Variants in DRC7 observed in about 807,000 individuals in gnomAD.
The protein encoded by DRC7 is dynein regulatory complex subunit 7, also known as coiled-coil domain containing 135.
A neutral mutation model predicts 104.4 loss-of-function variants in DRC7; 80 were observed. That is an observed-to-expected ratio of 0.77 (90% CI 0.64 to 0.92). The LOEUF (loss-of-function observed/expected upper bound fraction) is 0.92, where lower values mean the gene tolerates loss of function less well. DRC7 is among the 40% of genes least tolerant of loss of function. The pLI is 0.00. For synonymous variants in DRC7, 405 were observed against 447.3 expected, an observed-to-expected ratio of 0.91 and a Z score of 1.19; for missense variants, 1,034 against 1,141.1, an observed-to-expected ratio of 0.91 and a Z score of 1.35.
At chr16:57,722,643 T>C in intron 10 of DRC7, 70 bp from the exon 11 acceptor site, 1 of 1,594,274 alleles carries the variant, frequency 6.3e-7, no homozygotes, top group Non-Finnish European at 8.6e-7. Flanking sequence ...GATGGATGAA[T>C]GGCTGGGCGG....
At chr16:57,718,281 C>G in intron 8 of DRC7, 66 bp from the exon 9 acceptor site, 1 of 1,577,102 alleles carries the variant, frequency 6.3e-7, no homozygotes, top group East Asian at 2.3e-5. Flanking sequence ...TCCCAACTCC[C>G]CATGGATCAG....
At chr16:57,715,689 G>A (rs1466987232) in intron 8 of DRC7, among the ~76,000 whole-genome samples, 1 of 152,194 alleles carries the variant, frequency 6.6e-6, no homozygotes, top group Admixed American at 6.5e-5. Context: ...CAAGTAAAGT[G>A]AGATCATTTC....
rs755500071 is a variant in DRC7 at position 57,700,186 on chromosome 16, C to T, written c.420C>T (p.Tyr140=). The part of the protein sequence containing the change: ...STTLRPTLMP[Y]PELYNWDSCA... ...CCCTCCGGCCCACACTGATGCCCTA[C>T]CCCGAGCTCTACAACTGGGACAGCT... Residue 140 remains tyrosine (Y), a synonymous_variant, in exon 5 of 19, where the codon TAC becomes TAT. Coordinates refer to ENST00000360716, the MANE Select transcript of DRC7 (RefSeq NM_001289162.2). The T allele has an allele frequency of 1.9e-6, 3 of 1,614,102 alleles. No individual in the cohort carries two copies. Among genetic ancestry groups the T allele is most frequent in the Admixed American group, 1.7e-5 (1 of 60,022 alleles).
chr16:57,704,543 G>A (rs2048692266), intron 6 of DRC7, among the ~76,000 whole-genome samples: 1 of 152,180 alleles, frequency 6.6e-6, no homozygotes, highest in Non-Finnish European at 1.5e-5. Flanking sequence ...AGGATGGGTG[G>A]TGAGGATTGA....
In DRC7 at chr16:57,707,697, C is replaced by T. The variant is rs1323021496; in HGVS notation, c.1077+19C>T. On this transcript the variant is annotated intron_variant, in intron 8 of 18. Coordinates refer to ENST00000360716, the MANE Select transcript of DRC7 (RefSeq NM_001289162.2). ...CTGCAAGGTGCCTAGGGAGGGGGAG[C>T]TGGGTGGGTGTGGCAGGCACAGTGC... 2.5e-6 allele frequency: 4 copies of T among 1,606,840 alleles called. No individual in the cohort carries two copies. Among genetic ancestry groups the T allele is most frequent in the Non-Finnish European group, 3.4e-6 (4 of 1,175,614 alleles).
rs746056098 is a variant in DRC7 at position 57,718,458 on chromosome 16, G to C, written c.1189G>C (p.Asp397His). 6.2e-7 allele frequency: 1 copy of C among 1,613,928 alleles called. No homozygotes were observed. Among genetic ancestry groups the C allele is most frequent in the African/African-American group, 1.3e-5 (1 of 74,908 alleles). Residue 397 changes from aspartate to histidine, a missense_variant, in exon 9 of 19, where the codon GAT (aspartate) becomes CAT (histidine). Physicochemically the swap from Asp to His is moderately conservative, Grantham distance 81. Transcript: ENST00000360716. ...EEDDSGINDEDDVENLGKEDE... is the reference protein window; with the variant it reads ...EEDDSGINDEHDVENLGKEDE... ...AGACGACAGTGGGATAAACGATGAG[G>C]ATGATGTGGAAAATCTGGTGAGTCT...
At chr16:57,710,014 G>T (rs1272033484) in intron 8 of DRC7, among the ~76,000 whole-genome samples, 1 of 152,098 alleles carries the variant, frequency 6.6e-6, no homozygotes, top group African/African-American at 2.4e-5. Flanking sequence ...CACCCACCTT[G>T]GCCTCCAAAA....
At chr16:57,722,875 C>T (rs1330452120) in intron 11 of DRC7, 34 bp downstream of exon 11, 1 of 1,613,132 alleles carries the variant, frequency 6.2e-7, no homozygotes, top group Non-Finnish European at 8.5e-7. Flanking sequence ...GGGTCCAGGC[C>T]AGCCCAGGGG....
Position 57,707,615 on chromosome 16 carries a change from C to T in DRC7, c.1014C>T (p.Ile338=), listed in dbSNP as rs200287537. The change falls in exon 8 of 19, where the codon ATC becomes ATT. Residue 338 remains isoleucine, a synonymous_variant. Coordinates refer to ENST00000360716, the MANE Select transcript of DRC7 (RefSeq NM_001289162.2). ...YSTQDEHFLG[I]ESLWNHKNYW... ...CCCAGGATGAGCACTTCCTGGGCAT[C>T]GAAAGCCTGTGGAACCACAAGAACT... is the stretch of plus-strand genomic sequence containing the variant. The T allele has an allele frequency of 6.8e-6, 11 of 1,613,484 alleles. No homozygotes were observed. The highest frequency in any genetic ancestry group is 1.7e-5 in the Admixed American group (1 of 60,002).
intron 17 of DRC7, among the ~76,000 whole-genome samples, chr16:57,729,037 G>A (rs1448778758): frequency 2.1e-5 from 3 of 142,480 alleles, no homozygotes; most frequent in East Asian, 2.1e-4. Context: ...TGGATAGGTG[G>A]GTGGATGGAT....
chr16:57,720,355 C>T (rs527962954), intron 9 of DRC7, among the ~76,000 whole-genome samples: 13 of 152,256 alleles, frequency 8.5e-5, no homozygotes, highest in East Asian at 5.8e-4. Context: ...CAGTGTAGAC[C>T]ATCTCAAAAG....
chr16:57,724,309 CAAAA>C (rs35767816), intron 12 of DRC7, among the ~76,000 whole-genome samples: 2 of 80,702 alleles, frequency 2.5e-5, no homozygotes, highest in African/African-American at 4.6e-5. Context: ...GGCTGTGTCT[CAAAA>C]AAAAAAAAAA....
chr16:57,723,041 G>A lies in DRC7; in HGVS notation c.1448G>A (p.Arg483Gln), dbSNP rs771670325. 44 of 1,613,748 alleles carry A rather than the reference G, an allele frequency of 2.7e-5. No homozygotes were observed. Among genetic ancestry groups the A allele is most frequent in the Admixed American group, 1.8e-4 (11 of 60,000 alleles). Residue 483 changes from arginine to glutamine, a missense_variant, in exon 12 of 19, where the codon CGG becomes CAG. Transcript: ENST00000360716. ...GAGATAAAGGAGTGGTACCAGAACC[G>A]GGAAGACATGCTGGAGCTGAAACAC... ...ILEIKEWYQNREDMLELKHIN... is the reference protein window; with the variant it reads ...ILEIKEWYQNQEDMLELKHIN...
intron 7 of DRC7, among the ~76,000 whole-genome samples, 157 bp from the exon 8 acceptor site, chr16:57,707,303 G>T (rs1483719360): frequency 1.3e-5 from 2 of 152,216 alleles, no homozygotes; most frequent in East Asian, 3.9e-4. Flanking sequence ...GTGGTTGGGT[G>T]ATGGGAGGGG....
At chr16:57,729,462 G>A (rs1485595547) in intron 17 of DRC7, among the ~76,000 whole-genome samples, 2 of 107,682 alleles carry the variant, frequency 1.9e-5, no homozygotes, top group African/African-American at 4.0e-5. Flanking sequence ...GGGTGGATGA[G>A]TGAGTGGGTG....
chr16:57,708,837 A>G (rs76892450), intron 8 of DRC7, among the ~76,000 whole-genome samples: 3,419 of 152,230 alleles, frequency 0.022, 115 homozygotes, highest in African/African-American at 0.076. Context: ...ATTTAATGCA[A>G]TTGATTTTTG....
chr16:57,722,086 CG>C (rs1407635766), intron 10 of DRC7, among the ~76,000 whole-genome samples: 5 of 152,188 alleles, frequency 3.3e-5, no homozygotes, highest in Middle Eastern at 3.2e-3. Flanking sequence ...CCAGATGGTG[CG>C]GGGGGTCTCA....
chr16:57,730,814 G>T, intron 17 of DRC7, 117 bp from the exon 18 acceptor site: 1 of 1,101,666 alleles, frequency 9.1e-7, no homozygotes, highest in African/African-American at 1.6e-5. Context: ...TTGTGTGAGT[G>T]GGGACACTGG....
Sources: gnomAD v4.1 joint callset for allele counts (sites outside exome capture counted in the v4.1 genomes callset) on GRCh38, gnomAD v4.1.1 for gene constraint, MANE v1.5 for transcripts, NCBI Gene and HGNC (gene_info 2026-07-23, HGNC 2026-07-21) for gene names.